Variants in ABI3BP observed in about 807,000 individuals in gnomAD.
ABI3BP encodes the protein target of Nesh-SH3.
Under a neutral mutation model 268.6 loss-of-function variants are expected in ABI3BP, and 216 were observed. That is an observed-to-expected ratio of 0.80 (90% CI 0.72 to 0.90). The LOEUF (loss-of-function observed/expected upper bound fraction) is 0.90. Among genes scored for constraint, ABI3BP ranks in the 40% least tolerant of loss-of-function variants. ABI3BP has a pLI of 0.00. For synonymous variants in ABI3BP, 730 were observed against 730.0 expected (o/e 1.00, Z 0.00); for missense variants, 2,090 against 2,182.4 (o/e 0.96, Z 0.84).
chr3:100,925,202 G>T (rs2061451758), intron 2 of ABI3BP, among the ~76,000 whole-genome samples: 1 of 152,084 alleles, frequency 6.6e-6, no homozygotes, highest in Non-Finnish European at 1.5e-5. Flanking sequence ...GAAACAAGAG[G>T]CTACAGGACA....
intron 27 of ABI3BP, among the ~76,000 whole-genome samples, chr3:100,836,635 G>A (rs957795143): frequency 6.6e-6 from 1 of 152,246 alleles, no homozygotes; most frequent in African/African-American, 2.4e-5. Context: ...ATTTTGCATC[G>A]CAAGATGAAT....
intron 1 of ABI3BP, among the ~76,000 whole-genome samples, chr3:100,978,560 G>A (rs1250550098): frequency 6.6e-6 from 1 of 152,130 alleles, no homozygotes; most frequent in Non-Finnish European, 1.5e-5. Context: ...AGCGAGTGCT[G>A]CCCAGGGCTC....
At chr3:100,957,276 A>T (rs1258634202) in intron 1 of ABI3BP, among the ~76,000 whole-genome samples, 1 of 152,168 alleles carries the variant, frequency 6.6e-6, no homozygotes, top group Non-Finnish European at 1.5e-5. Flanking sequence ...ATTTATGAGG[A>T]GCTACGGATG....
At chr3:100,914,704 G>C (rs1199721907) in intron 2 of ABI3BP, among the ~76,000 whole-genome samples, 1 of 152,184 alleles carries the variant, frequency 6.6e-6, no homozygotes, top group Non-Finnish European at 1.5e-5. Flanking sequence ...GGGGAAAGGG[G>C]TATGGGAGGA....
intron 3 of ABI3BP, among the ~76,000 whole-genome samples, chr3:100,900,968 T>G (rs1199819783): frequency 6.6e-6 from 1 of 152,224 alleles, no homozygotes; most frequent in Non-Finnish European, 1.5e-5. Context: ...ACTATGATCA[T>G]ATTTCTATCA....
At chr3:100,939,126 A>T (rs2067663049) in intron 1 of ABI3BP, among the ~76,000 whole-genome samples, 1 of 152,048 alleles carries the variant, frequency 6.6e-6, no homozygotes, top group African/African-American at 2.4e-5. Context: ...AAAATCCCAG[A>T]TTCTCCATCA....
rs753380742 is a variant in ABI3BP, at chr3:100,834,716, G to A, written c.2249C>T (p.Thr750Met). The part of the protein sequence containing the change: ...TRRPRPKHKT[T>M]PRPETLQTKL... ...GGTCTGCAGTGTCTCTGGGCGTGGC[G>A]TGGTTTTATGTTTGGGACGTGGACG... Residue 750 changes from threonine (T) to methionine (M), a missense_variant, in exon 29 of 68, where the codon ACG becomes ATG. Transcript: ENST00000471714. 92 of 1,535,596 alleles carry A rather than the reference G, an allele frequency of 6.0e-5. No individual in the cohort carries two copies. In the Admixed American group the frequency reaches 9.4e-4, roughly 16 times the overall value.
chr3:100,953,698 G>C (rs571096059), intron 1 of ABI3BP, among the ~76,000 whole-genome samples: 94 of 152,042 alleles, frequency 6.2e-4, no homozygotes, highest in Non-Finnish European at 1.1e-3. Context: ...CTTGAATTTT[G>C]AGGGAGTGGA....
In ABI3BP at chr3:100,823,385, C is replaced by G. The variant is rs1028305818; in HGVS notation, c.2803+73G>C. 8 of 1,336,710 alleles carry G rather than the reference C, an allele frequency of 6.0e-6. No homozygotes were observed. The East Asian group carries it at 1.3e-4, about 21-fold the overall frequency. 82.8% of individuals were successfully genotyped at this position (1,336,710 alleles called of 1,614,324 possible). On this transcript the variant is annotated intron_variant, in intron 37 of 67. Transcript: ENST00000471714. ...GCCATCAAGAATGACACTGTTGTCT[C>G]AAGAAACAAATTGAAACTCTAGGTT...
rs140622193 is a variant in ABI3BP at position 100,836,080 on chromosome 3, T to C, written c.2132-420A>G. Among the ~76,000 whole-genome samples the C allele has an allele frequency of 4.6e-3, 708 of 152,312 alleles. 6 individuals are homozygous for C. The highest frequency in any genetic ancestry group is 0.016 in the African/African-American group (678 of 41,580). On this transcript the variant is annotated intron_variant, in intron 27 of 67. Transcript: ENST00000471714. The stretch of plus-strand genomic sequence containing the variant: ...GAATTAGAAAGATGTTTTCAGTCTA[T>C]TTACTGGAGATTTGTGAGAGTTGTG...
intron 14 of ABI3BP, among the ~76,000 whole-genome samples, chr3:100,860,163 G>A (rs12632468): frequency 0.27 from 41,808 of 152,134 alleles, 6,123 homozygotes; most frequent in Middle Eastern, 0.37. Context: ...ATCTAGAGTG[G>A]AGCCCAAGTT....
intron 4 of ABI3BP, among the ~76,000 whole-genome samples, chr3:100,895,648 C>T (rs757210512): frequency 3.9e-4 from 60 of 152,122 alleles, no homozygotes; most frequent in Non-Finnish European, 7.2e-4. Context: ...ATTCAGATTG[C>T]AATGGTTTTG....
chr3:100,824,714 G>A (rs2098334033), intron 36 of ABI3BP, 144 bp downstream of exon 36: 1 of 553,710 alleles, frequency 1.8e-6, no homozygotes, highest in Non-Finnish European at 3.1e-6. Flanking sequence ...TGAAAGCTGA[G>A]CAGAGGAGAT....
chr3:100,830,155 ATATATATAT>A, intron 32 of ABI3BP, among the ~76,000 whole-genome samples: 2 of 85,106 alleles, frequency 2.4e-5, no homozygotes, highest in East Asian at 3.6e-4. Flanking sequence ...ATATATATAT[ATATATATAT>A]AAAATGCAGA....
intron 51 of ABI3BP, among the ~76,000 whole-genome samples, chr3:100,797,999 G>A (rs1161524687): frequency 6.6e-6 from 1 of 152,016 alleles, no homozygotes; most frequent in Non-Finnish European, 1.5e-5. Context: ...GCTGAAGAAG[G>A]CACTTTGATT....
rs2095191397 is a variant in ABI3BP, at chr3:100,749,291, A to C, written c.*1204T>G. 9.4e-6 allele frequency: 2 copies of C among 211,772 alleles called. No individual in the cohort carries two copies. The highest frequency in any genetic ancestry group is 1.9e-5 in the Non-Finnish European group (2 of 107,638). The allele number at this position is 211,772 out of a possible 1,614,324, so 13.1% of individuals were successfully genotyped here. On this transcript the variant is annotated 3_prime_UTR_variant, in exon 68 of 68. Coordinates refer to ENST00000471714, the MANE Select transcript of ABI3BP (RefSeq NM_001375547.2). ...TCCTTCTCGATAAAAGGTATAGTTA[A>C]CATACTGATGAACCATTCAGAAATA...
intron 1 of ABI3BP, among the ~76,000 whole-genome samples, chr3:100,985,957 T>C (rs2091635810): frequency 6.6e-6 from 1 of 152,220 alleles, no homozygotes; most frequent in Non-Finnish European, 1.5e-5. Context: ...TTGTGGTGGA[T>C]AGACTCTTAC....
chr3:100,836,911 G>C (rs934994404), intron 27 of ABI3BP, among the ~76,000 whole-genome samples: 1 of 152,168 alleles, frequency 6.6e-6, no homozygotes, highest in African/African-American at 2.4e-5. Context: ...GAATGTGATC[G>C]AAGAAAGAAT....
At chr3:100,902,782 C>T (rs1175999219) in intron 2 of ABI3BP, 96 bp from the exon 3 acceptor site, 1 of 988,174 alleles carries the variant, frequency 1.0e-6, no homozygotes, top group African/African-American at 1.6e-5. Context: ...CTGAGTCATC[C>T]TCCATAACCG....
Sources: gnomAD v4.1 joint callset for allele counts (sites outside exome capture counted in the v4.1 genomes callset) on GRCh38, gnomAD v4.1.1 for gene constraint, MANE v1.5 for transcripts, NCBI Gene and HGNC (gene_info 2026-07-23, HGNC 2026-07-21) for gene names.